Variants in SH3GL2 observed in about 807,000 individuals in gnomAD.
SH3GL2 encodes the protein endophilin-A1.
In SH3GL2, 24 loss-of-function variants were observed where a neutral mutation model predicts 46.0. The ratio of observed to expected loss-of-function variants is 0.52; its 90% CI spans 0.38 to 0.73. SH3GL2 has a LOEUF of 0.73. SH3GL2 is among the 30% of genes least tolerant of loss of function. The pLI is 0.00. For synonymous variants in SH3GL2, 196 were observed against 147.1 expected (o/e 1.33, Z -2.40); for missense variants, 413 against 424.2 (o/e 0.97, Z 0.23).
intron 1 of SH3GL2, among the ~76,000 whole-genome samples, chr9:17,738,857 C>A (rs1822440480): frequency 6.6e-6 from 1 of 151,802 alleles, no homozygotes; most frequent in Admixed American, 6.6e-5. Context: ...TTGGATGAGG[C>A]CCACCCACAT....
chr9:17,772,638 C>T (rs1005594477), intron 3 of SH3GL2, among the ~76,000 whole-genome samples: 1 of 152,052 alleles, frequency 6.6e-6, no homozygotes, highest in Non-Finnish European at 1.5e-5. Flanking sequence ...GCATAATGTC[C>T]CAAGGTTTAC....
intron 1 of SH3GL2, among the ~76,000 whole-genome samples, chr9:17,610,993 T>G (rs1421243603): frequency 6.6e-6 from 1 of 152,224 alleles, no homozygotes; most frequent in Non-Finnish European, 1.5e-5. Flanking sequence ...AACCCTTATT[T>G]CTTCTTAGTG....
At chr9:17,587,476 A>C (rs1474045459) in intron 1 of SH3GL2, among the ~76,000 whole-genome samples, 1 of 152,238 alleles carries the variant, frequency 6.6e-6, no homozygotes, top group Non-Finnish European at 1.5e-5. Flanking sequence ...TGGGAACGGC[A>C]TAACTTTTCA....
Position 17,649,142 on chromosome 9 carries a change from C to A in SH3GL2, c.45+69855C>A, listed in dbSNP as rs141660918. On this transcript the variant is annotated intron_variant, in intron 1 of 8. Coordinates refer to ENST00000380607, the MANE Select transcript of SH3GL2 (RefSeq NM_003026.5). ...TTGAGAAAGAGTCTTACCCTGTCACCCACAGTGGACAGTGACATGATCTCA... is the reference window on the plus strand; with the variant it reads ...TTGAGAAAGAGTCTTACCCTGTCACACACAGTGGACAGTGACATGATCTCA... Among the ~76,000 whole-genome samples, 139 of 152,276 alleles carry A rather than the reference C, an allele frequency of 9.1e-4. 2 individuals are homozygous for A. The East Asian group carries it at 0.02, about 22-fold the overall frequency.
intron 1 of SH3GL2, among the ~76,000 whole-genome samples, chr9:17,691,446 C>T (rs1001315879): frequency 1.3e-5 from 2 of 152,044 alleles, no homozygotes; most frequent in Admixed American, 1.3e-4. Context: ...GTACTTAGGA[C>T]ATTTCTTGCT....
At chr9:17,758,368 C>G (rs1028535221) in intron 2 of SH3GL2, among the ~76,000 whole-genome samples, 21 of 151,760 alleles carry the variant, frequency 1.4e-4, no homozygotes, top group African/African-American at 4.4e-4. Context: ...CGAGACCAGC[C>G]TGACCAACAT....
chr9:17,690,241 CAT>C (rs1205323676), intron 1 of SH3GL2, among the ~76,000 whole-genome samples: 3 of 152,124 alleles, frequency 2.0e-5, no homozygotes, highest in Non-Finnish European at 4.4e-5. Flanking sequence ...ATGGGATAAA[CAT>C]GTGTTTCTGC....
chr9:17,691,529 A>T (rs1821078460), intron 1 of SH3GL2, among the ~76,000 whole-genome samples: 1 of 152,176 alleles, frequency 6.6e-6, no homozygotes, highest in Non-Finnish European at 1.5e-5. Context: ...ATAACGTTCT[A>T]AGCCTGATCT....
At chr9:17,730,492 T>C (rs745554004) in intron 1 of SH3GL2, among the ~76,000 whole-genome samples, 1 of 152,170 alleles carries the variant, frequency 6.6e-6, no homozygotes, top group Non-Finnish European at 1.5e-5. Context: ...CTTCCAATAC[T>C]ATGTTGAATA....
At chr9:17,775,926 CATT>C (rs1823629581) in intron 3 of SH3GL2, among the ~76,000 whole-genome samples, 1 of 152,088 alleles carries the variant, frequency 6.6e-6, no homozygotes, top group Non-Finnish European at 1.5e-5. Context: ...GATGCCCTGT[CATT>C]ATGTTTTTAT....
At chr9:17,779,831 C>T (rs1393713277) in intron 3 of SH3GL2, among the ~76,000 whole-genome samples, 2 of 152,144 alleles carry the variant, frequency 1.3e-5, no homozygotes, top group Non-Finnish European at 2.9e-5. Context: ...GCTATACAAC[C>T]ACATGGATAT....
intron 1 of SH3GL2, among the ~76,000 whole-genome samples, chr9:17,706,586 G>T (rs1422366161): frequency 1.3e-5 from 2 of 151,992 alleles, no homozygotes; most frequent in African/African-American, 2.4e-5. Flanking sequence ...TGTTGTACGT[G>T]TAATCTTTCC....
chr9:17,614,446 G>A (rs553553181), intron 1 of SH3GL2, among the ~76,000 whole-genome samples: 1 of 152,132 alleles, frequency 6.6e-6, no homozygotes, highest in South Asian at 2.1e-4. Flanking sequence ...TGGATTTCAG[G>A]GATCCCTGTG....
intron 1 of SH3GL2, among the ~76,000 whole-genome samples, chr9:17,608,249 G>A (rs1016619659): frequency 1.4e-5 from 2 of 143,972 alleles, no homozygotes; most frequent in African/African-American, 2.5e-5. Context: ...CCAGGTTCAC[G>A]CCATTCTCCT....
At chr9:17,702,560 A>G (rs981817233) in intron 1 of SH3GL2, among the ~76,000 whole-genome samples, 3 of 152,138 alleles carry the variant, frequency 2.0e-5, no homozygotes, top group Non-Finnish European at 2.9e-5. Context: ...TTTCAAACTC[A>G]TGACTGAATT....
intron 1 of SH3GL2, among the ~76,000 whole-genome samples, chr9:17,591,549 G>T (rs776159097): frequency 6.6e-6 from 1 of 152,144 alleles, no homozygotes; most frequent in Non-Finnish European, 1.5e-5. Context: ...AGTAGTAGAA[G>T]GGTACATTTG....
rs138664062 is a variant in SH3GL2 at position 17,668,897 on chromosome 9, G to A, written c.46-78169G>A. On this transcript the variant is annotated intron_variant, in intron 1 of 8. Coordinates refer to ENST00000380607, the MANE Select transcript of SH3GL2 (RefSeq NM_003026.5). The stretch of plus-strand genomic sequence containing the variant: ...GGTCTCAAACTCCTGGGCTCAAGCA[G>A]TACCCCTGCCTTGGCATCCGAGAGG... Among the ~76,000 whole-genome samples, 306 of 152,236 alleles carry A rather than the reference G, an allele frequency of 2.0e-3. 1 individual carries two copies. The highest frequency in any genetic ancestry group is 7.1e-3 in the African/African-American group (293 of 41,550).
intron 1 of SH3GL2, among the ~76,000 whole-genome samples, chr9:17,686,025 A>T (rs565809278): frequency 0.12 from 17,284 of 139,102 alleles, 1,467 homozygotes; most frequent in African/African-American, 0.24. Context: ...ATGGGAGAAA[A>T]TTTTTGCAAC....
intron 1 of SH3GL2, among the ~76,000 whole-genome samples, chr9:17,585,050 C>T (rs1818347685): frequency 6.6e-6 from 1 of 152,144 alleles, no homozygotes; most frequent in African/African-American, 2.4e-5. Flanking sequence ...AGACAGATGT[C>T]ATTGTGGAAG....
Sources: allele counts gnomAD v4.1 joint callset (sites outside exome capture counted in the v4.1 genomes callset), GRCh38; gene constraint gnomAD v4.1.1; transcripts MANE v1.5; gene names NCBI Gene and HGNC (gene_info 2026-07-23, HGNC 2026-07-21).